KCNQ1: variants seen among roughly 807,000 people sequenced by gnomAD.
KCNQ1 encodes the protein potassium voltage-gated channel subfamily Q member 1, also known as potassium voltage-gated channel subfamily KQT member 1.
A neutral mutation model predicts 72.4 loss-of-function variants in KCNQ1; 49 were observed. That is an observed-to-expected ratio of 0.68 (90% CI 0.54 to 0.86). KCNQ1 has a LOEUF of 0.86. KCNQ1 is among the 40% of genes least tolerant of loss of function. The pLI, the probability that KCNQ1 is intolerant of heterozygous loss-of-function variation, is 0.00. For missense variants in KCNQ1, 790 were observed against 945.1 expected, an observed-to-expected ratio of 0.84 and a Z score of 2.15; for synonymous variants, 450 against 412.6, an observed-to-expected ratio of 1.09 and a Z score of -1.10.
intron 11 of KCNQ1, among the ~76,000 whole-genome samples, chr11:2,717,513 C>A (rs1056206159): frequency 3.9e-5 from 6 of 152,158 alleles, no homozygotes; most frequent in African/African-American, 1.4e-4. Flanking sequence ...CTTCCAGAAC[C>A]TTTTAATGAA....
intron 10 of KCNQ1, chr11:2,633,087 G>C: frequency 2.5e-6 from 1 of 398,308 alleles, no homozygotes; most frequent in Non-Finnish European, 4.4e-6. Flanking sequence ...GTTATGTTTT[G>C]TCTTTTTGAA....
intron 10 of KCNQ1, chr11:2,616,962 T>G (rs1042051945): frequency 3.0e-6 from 1 of 337,908 alleles, no homozygotes; most frequent in South Asian, 1.9e-4. Flanking sequence ...TATCTTGTTG[T>G]GTTTTTTTTT....
rs964870310 is a variant in KCNQ1 at position 2,676,114 on chromosome 11, A to C, written c.1514+14033A>C. 2.5e-6 allele frequency: 1 copy of C among 398,660 alleles called. No individual in the cohort carries two copies. 24.7% of individuals were successfully genotyped at this position (398,660 alleles called of 1,614,324 possible). A position where few individuals can be genotyped will look rare whatever the true frequency, so the allele number is the denominator to read the frequency against. On this transcript the variant is annotated intron_variant, in intron 11 of 15. Transcript: ENST00000155840. This position sits in a 1 kb window ranked among gnomAD's most constrained non-coding sequence, Gnocchi z 4.2. The stretch of plus-strand genomic sequence containing the variant: ...CTGTGTGTGCATGTACTTAGTAGAT[A>C]CGGCTCCTTTTTATACAAATGGTAG...
Position 2,593,003 on chromosome 11 carries a change from C to T in KCNQ1, c.1393+4149C>T, listed in dbSNP as rs989811373. On this transcript the variant is annotated intron_variant, in intron 10 of 15. Coordinates refer to ENST00000155840, the MANE Select transcript of KCNQ1 (RefSeq NM_000218.3). This position sits in a 1 kb window ranked among gnomAD's most constrained non-coding sequence, Gnocchi z 6.9. ...GCCGCCTCCATCCTGAGCTGCCTAC[C>T]CTGCCCCTCCTCCACTCCAGTTGTC... Among the ~76,000 whole-genome samples, 4 of 152,226 alleles carry T rather than the reference C, an allele frequency of 2.6e-5. No individual in the cohort carries two copies. Among genetic ancestry groups the T allele is most frequent in the Non-Finnish European group, 4.4e-5 (3 of 68,036 alleles).
chr11:2,844,042 A>G (rs1043619799), intron 15 of KCNQ1, among the ~76,000 whole-genome samples: 1 of 152,158 alleles, frequency 6.6e-6, no homozygotes, highest in African/African-American at 2.4e-5. Context: ...ACCTGCCCGG[A>G]TGCACCTCCG....
At chr11:2,814,853 G>A (rs964850553) in intron 15 of KCNQ1, among the ~76,000 whole-genome samples, 5 of 152,196 alleles carry the variant, frequency 3.3e-5, no homozygotes, top group Admixed American at 3.3e-4. Context: ...TCTTGACTCT[G>A]GACTCTTCCA....
intron 1 of KCNQ1, among the ~76,000 whole-genome samples, chr11:2,512,674 G>T (rs919508674): frequency 6.6e-6 from 1 of 152,192 alleles, no homozygotes. Flanking sequence ...AGCTGGGCTA[G>T]GTCCCTGGGT....
At position 2,659,536 on chromosome 11, in the gene KCNQ1, T is replaced by C; in HGVS notation, c.1394-2425T>C. ...AGGACATCTTCATTGTTTCCAGTAT[T>C]TGGTAATTATGAGCAGAGTTACTAT... On this transcript the variant is annotated intron_variant, in intron 10 of 15. Transcript: ENST00000155840. This position sits in a 1 kb window ranked among gnomAD's most constrained non-coding sequence, Gnocchi z 4.3. 2.5e-6 allele frequency: 1 copy of C among 398,582 alleles called. No individual in the cohort carries two copies. The highest frequency in any genetic ancestry group is 4.4e-6 in the Non-Finnish European group (1 of 226,026). 24.7% of individuals were successfully genotyped at this position (398,582 alleles called of 1,614,324 possible). A position where few individuals can be genotyped will look rare whatever the true frequency, so the allele number is the denominator to read the frequency against.
chr11:2,671,497 T>G lies in KCNQ1; in HGVS notation c.1514+9416T>G. 3 of 398,560 alleles carry G rather than the reference T, an allele frequency of 7.5e-6. No individual in the cohort carries two copies. The highest frequency in any genetic ancestry group is 1.3e-5 in the Non-Finnish European group (3 of 226,060). The allele number at this position is 398,560 out of a possible 1,614,324, so 24.7% of individuals were successfully genotyped here. On this transcript the variant is annotated intron_variant, in intron 11 of 15. Coordinates refer to ENST00000155840, the MANE Select transcript of KCNQ1 (RefSeq NM_000218.3). This position sits in a 1 kb window ranked among gnomAD's most constrained non-coding sequence, Gnocchi z 4.7. ...ACAAAGATCTGAGAAAGGGATTATT[T>G]TTAGGGCCAATTCAAGGGATTTTTC... is the stretch of plus-strand genomic sequence containing the variant.
intron 1 of KCNQ1, among the ~76,000 whole-genome samples, chr11:2,522,871 C>T (rs1190123398): frequency 5.3e-5 from 8 of 152,034 alleles, no homozygotes; most frequent in Non-Finnish European, 1.0e-4. Context: ...TTGGGGTGGA[C>T]GCCCACTTGG....
At chr11:2,510,244 A>G (rs2097618) in intron 1 of KCNQ1, among the ~76,000 whole-genome samples, 75,673 of 151,404 alleles carry the variant, frequency 0.5, 19,528 homozygotes, top group Non-Finnish European at 0.57. Flanking sequence ...TTGCCACTGC[A>G]CTCCAGCCTG....
intron 1 of KCNQ1, among the ~76,000 whole-genome samples, chr11:2,469,079 G>A (rs1846399966): frequency 2.0e-5 from 3 of 152,146 alleles, no homozygotes; most frequent in Admixed American, 2.0e-4. Flanking sequence ...AACACTTGGT[G>A]TGGTCGGTCT....
At position 2,492,312 on chromosome 11, in the gene KCNQ1, A is replaced by G. The variant is rs1846849097; in HGVS notation, c.387-35616A>G. ...AGTACAATAAGATATAGAGACAAAA[A>G]AACTTAAAAAGCGGAGAGACAAAAG... On this transcript the variant is annotated intron_variant, in intron 1 of 15. Coordinates refer to ENST00000155840, the MANE Select transcript of KCNQ1 (RefSeq NM_000218.3). This position sits in a 1 kb window ranked among gnomAD's most constrained non-coding sequence, Gnocchi z 4.1. 1.3e-5 allele frequency among the ~76,000 whole-genome samples: 2 copies of G among 152,202 alleles called. No individual in the cohort carries two copies. The highest frequency in any genetic ancestry group is 1.9e-4 in the East Asian group (1 of 5,202).
chr11:2,489,385 T>C (rs1277069422), intron 1 of KCNQ1, among the ~76,000 whole-genome samples: 3 of 152,148 alleles, frequency 2.0e-5, no homozygotes, highest in Non-Finnish European at 4.4e-5. Flanking sequence ...ATCACATATC[T>C]CAGGGGTCAG....
At position 2,457,010 on chromosome 11, in the gene KCNQ1, TAAAAAG is replaced by T. The variant is rs1411972555; in HGVS notation, c.386+11529_386+11534del. Reference sequence around the variant, plus strand: ...GGCAAAAGATATGGTAGACAGTTCTTAAAAAGAAGACATACAAACAGTCAAACACAT... The same window carrying T: ...GGCAAAAGATATGGTAGACAGTTCTTAAGACATACAAACAGTCAAACACAT... On this transcript the variant is annotated intron_variant, in intron 1 of 15. Coordinates refer to ENST00000155840, the MANE Select transcript of KCNQ1 (RefSeq NM_000218.3). This position sits in a 1 kb window ranked among gnomAD's most constrained non-coding sequence, Gnocchi z 5.0. Among the ~76,000 whole-genome samples the T allele has an allele frequency of 6.6e-6, 1 of 151,388 alleles. No homozygotes were observed. The highest frequency in any genetic ancestry group is 1.5e-5 in the Non-Finnish European group (1 of 67,900).
intron 15 of KCNQ1, among the ~76,000 whole-genome samples, chr11:2,805,016 G>A (rs1180927532): frequency 6.6e-6 from 1 of 152,208 alleles, no homozygotes; most frequent in Non-Finnish European, 1.5e-5. Context: ...GGCCCCCGGG[G>A]TAAAAATGAA....
chr11:2,670,168 A>G lies in KCNQ1; in HGVS notation c.1514+8087A>G. 1 of 398,660 alleles carries G rather than the reference A, an allele frequency of 2.5e-6. No individual in the cohort carries two copies. Among genetic ancestry groups the G allele is most frequent in the East Asian group, 3.6e-5 (1 of 28,084 alleles). The allele number at this position is 398,660 out of a possible 1,614,324, so 24.7% of individuals were successfully genotyped here. A position where few individuals can be genotyped will look rare whatever the true frequency, so the allele number is the denominator to read the frequency against. Reference sequence around the variant, plus strand: ...TTATCACTGTCGGGCCCATCTGCCAAGGCAAGCACCCACATTAAAGCAGAG... The same window carrying G: ...TTATCACTGTCGGGCCCATCTGCCAGGGCAAGCACCCACATTAAAGCAGAG... On this transcript the variant is annotated intron_variant, in intron 11 of 15. Transcript: ENST00000155840. This position sits in a 1 kb window ranked among gnomAD's most constrained non-coding sequence, Gnocchi z 4.9.
chr11:2,494,505 T>A lies in KCNQ1; in HGVS notation c.387-33423T>A, dbSNP rs1435850206. 2.0e-5 allele frequency among the ~76,000 whole-genome samples: 3 copies of A among 152,206 alleles called. No homozygotes were observed. The highest frequency in any genetic ancestry group is 7.2e-5 in the African/African-American group (3 of 41,452). ...GGTTTGTCATAAATAGCTCTTGTTA[T>A]TTTGAGATATGTTCCATCAATTCCT... On this transcript the variant is annotated intron_variant, in intron 1 of 15. Coordinates refer to ENST00000155840, the MANE Select transcript of KCNQ1 (RefSeq NM_000218.3). This position sits in a 1 kb window ranked among gnomAD's most constrained non-coding sequence, Gnocchi z 4.6.
At chr11:2,774,171 A>C (rs1490613434) in intron 12 of KCNQ1, among the ~76,000 whole-genome samples, 1 of 152,234 alleles carries the variant, frequency 6.6e-6, no homozygotes, top group South Asian at 2.1e-4. Context: ...CAGAAGAGAG[A>C]AGAAGGACTT....
Sources: gnomAD v4.1 joint callset for allele counts (sites outside exome capture counted in the v4.1 genomes callset) on GRCh38, gnomAD v4.1.1 for gene constraint, Gnocchi (gnomAD v3.1) non-coding constraint, MANE v1.5 for transcripts, NCBI Gene and HGNC (gene_info 2026-07-23, HGNC 2026-07-21) for gene names.